SNX25: variants seen among roughly 807,000 people sequenced by gnomAD.
The protein encoded by SNX25 is sorting nexin-25.
Under a neutral mutation model 113.7 loss-of-function variants are expected in SNX25, and 62 were observed. That is an observed-to-expected ratio of 0.55 (90% CI 0.44 to 0.67). The LOEUF (loss-of-function observed/expected upper bound fraction) is 0.67, where lower values mean the gene tolerates loss of function less well. SNX25 is among the 30% of genes least tolerant of loss of function. The pLI is 0.00. For synonymous variants in SNX25, 421 were observed against 436.2 expected (o/e 0.97, Z 0.43); for missense variants, 1,014 against 1,161.0 (o/e 0.87, Z 1.84).
the SNX25 span, chr4:185,376,777 C>T: frequency 1.6e-6 from 1 of 635,494 alleles, no homozygotes. Flanking sequence ...CTGTTAAAGC[C>T]ACAGCCATAG....
chr4:185,334,199 C>T lies in SNX25; in HGVS notation c.1914+1440C>T, dbSNP rs2095215423. 6.6e-6 allele frequency among the ~76,000 whole-genome samples: 1 copy of T among 151,982 alleles called. No homozygotes were observed. The highest frequency in any genetic ancestry group is 1.9e-4 in the East Asian group (1 of 5,176). ...ACTAAAAATACAAAAATTAGCCAGG[C>T]ATGGTGGCATGCATGGTAATCCCAG... is the stretch of plus-strand genomic sequence containing the variant. On this transcript the variant is annotated intron_variant, in intron 10 of 18. Transcript: ENST00000652585. The surrounding 1 kb of genome is among the most constrained non-coding windows in gnomAD (Gnocchi z 4.2).
chr4:185,362,551 C>G, intron 17 of SNX25, 60 bp from the exon 18 acceptor site: 1 of 1,488,680 alleles, frequency 6.7e-7, no homozygotes, highest in South Asian at 1.2e-5. Flanking sequence ...CCTTTCACTG[C>G]AAAGCTATGC....
At position 185,210,136 on chromosome 4, in the gene SNX25, G is replaced by A; in HGVS notation, c.310G>A (p.Ala104Thr). 4 of 983,988 alleles carry A rather than the reference G, an allele frequency of 4.1e-6. No homozygotes were observed. The highest frequency in any genetic ancestry group is 1.2e-6 in the Non-Finnish European group (1 of 829,500). The allele number at this position is 983,988 out of a possible 1,614,324, so 61.0% of individuals were successfully genotyped here. The change falls in exon 1 of 19, where the codon GCC becomes ACC. Residue 104 changes from alanine to threonine, a missense_variant. Ala to Thr is a moderately conservative substitution (Grantham distance 58). Transcript: ENST00000652585. The surrounding 1 kb of genome is among the most constrained non-coding windows in gnomAD (Gnocchi z 4.4). ...CCTGTACCTGAGCTGCGCGGCGGCC[G>A]CCTTCCTGCTGGGGATCCTGTTTGC... ...LSLYLSCAAA[A>T]FLLGILFALV...
chr4:185,256,375 G>C (rs1579499273), intron 2 of SNX25, among the ~76,000 whole-genome samples: 2 of 152,180 alleles, frequency 1.3e-5, no homozygotes, highest in East Asian at 3.9e-4. Flanking sequence ...TTAAAATGCT[G>C]TTTTATAAAT....
chr4:185,353,551 T>A lies in SNX25; in HGVS notation c.2533T>A (p.Leu845Met). The change falls in exon 15 of 19, where the codon TTG becomes ATG. Residue 845 changes from leucine (L) to methionine (M), a missense_variant. Leu to Met is a conservative substitution (Grantham distance 15). Transcript: ENST00000652585. ...TGATGTGGATGGGAGGAAAGACGCC[T>A]TGGCTGAACCATGTTTCATGTTGAT... ...GDDVDGRKDA[L>M]AEPCFMLIGE... The A allele has an allele frequency of 1.2e-6, 2 of 1,614,228 alleles. No homozygotes were observed. Among genetic ancestry groups the A allele is most frequent in the South Asian group, 2.2e-5 (2 of 91,088 alleles).
chr4:185,264,815 T>G (rs1442076027), intron 4 of SNX25, among the ~76,000 whole-genome samples: 1 of 152,220 alleles, frequency 6.6e-6, no homozygotes, highest in African/African-American at 2.4e-5. Context: ...AAGTTGCATG[T>G]TTTGACATAG....
chr4:185,359,259 G>A (rs932482740), intron 16 of SNX25, among the ~76,000 whole-genome samples: 12 of 151,912 alleles, frequency 7.9e-5, no homozygotes, highest in African/African-American at 1.9e-4. Context: ...AGGCTCAGGC[G>A]GGAGAACTGC....
Position 185,363,456 on chromosome 4 carries a change from C to T in SNX25, c.3006C>T (p.Gly1002=). ...LRVHLDQLKA[G]QV ...TTCATTTAGATCAACTTAAAGCTGGCCAAGTTTGAGACTACACAAATAAAC... is the reference window on the plus strand; with the variant it reads ...TTCATTTAGATCAACTTAAAGCTGGTCAAGTTTGAGACTACACAAATAAAC... Residue 1002 remains glycine, a synonymous_variant, in exon 19 of 19, where the codon GGC becomes GGT. Transcript: ENST00000652585. The surrounding 1 kb of genome is among the most constrained non-coding windows in gnomAD (Gnocchi z 4.2). The T allele has an allele frequency of 1.9e-6, 3 of 1,613,726 alleles. No homozygotes were observed. The highest frequency in any genetic ancestry group is 2.5e-6 in the Non-Finnish European group (3 of 1,179,838).
At chr4:185,310,883 T>A (rs1257447553) in intron 7 of SNX25, 67 bp downstream of exon 7, 3 of 1,443,050 alleles carry the variant, frequency 2.1e-6, no homozygotes, top group Non-Finnish European at 1.9e-6. Flanking sequence ...GAACTACATA[T>A]AAAGACTTTC....
At chr4:185,268,679 G>T (rs1434890303) in intron 5 of SNX25, among the ~76,000 whole-genome samples, 1 of 152,134 alleles carries the variant, frequency 6.6e-6, no homozygotes, top group Non-Finnish European at 1.5e-5. Context: ...TTGAACTAGG[G>T]TTAACATTAA....
At chr4:185,333,798 C>A (rs1051394356) in intron 10 of SNX25, among the ~76,000 whole-genome samples, 5 of 151,972 alleles carry the variant, frequency 3.3e-5, no homozygotes, top group Non-Finnish European at 7.4e-5. Flanking sequence ...TGCCTGTAAT[C>A]TTTGGGAAGC....
chr4:185,350,406 A>C (rs958999159), intron 13 of SNX25, among the ~76,000 whole-genome samples: 1 of 152,180 alleles, frequency 6.6e-6, no homozygotes, highest in African/African-American at 2.4e-5. Context: ...GTGTCTTATA[A>C]TACTAGATGT....
rs745732499 is a variant in SNX25 at position 185,323,481 on chromosome 4, C to A, written c.1477-47C>A. ...AATAATTCAGAGAAAAATAATTTCT[C>A]TCAGAGATGATATGTCTTACTTTTC... On this transcript the variant is annotated intron_variant, in intron 8 of 18. Coordinates refer to ENST00000652585, the MANE Select transcript of SNX25 (RefSeq NM_001378034.2). 5.2e-6 allele frequency: 8 copies of A among 1,529,606 alleles called. No individual in the cohort carries two copies. In the South Asian group the frequency reaches 9.7e-5, roughly 18 times the overall value. 94.8% of individuals were successfully genotyped at this position (1,529,606 alleles called of 1,614,324 possible). A position where few individuals can be genotyped will look rare whatever the true frequency, so the allele number is the denominator to read the frequency against.
At chr4:185,378,151 G>C in the SNX25 span, 1 of 1,614,044 alleles carries the variant, frequency 6.2e-7, no homozygotes. Context: ...AGGCATAAAA[G>C]GGGTTCTTGG....
intron 6 of SNX25, among the ~76,000 whole-genome samples, chr4:185,300,223 G>A (rs7656257): frequency 2.8e-4 from 42 of 151,680 alleles, no homozygotes; most frequent in African/African-American, 9.4e-4. Flanking sequence ...GCGATGGCAC[G>A]ATCTCAGCTC....
In SNX25 at chr4:185,360,930, A is replaced by AATATATATATATATATATAT. The variant is rs3047488; in HGVS notation, c.2652-990_2652-971dup. Reference sequence around the variant, plus strand: ...CGAGACTCCGTCTCAAAAAAAAAATAATATATATATATATATATATATAGA... The same window carrying AATATATATATATATATATAT: ...CGAGACTCCGTCTCAAAAAAAAAATAATATATATATATATATATATATATATATATATATATATATATAGA... On this transcript the variant is annotated intron_variant, in intron 16 of 18. Coordinates refer to ENST00000652585, the MANE Select transcript of SNX25 (RefSeq NM_001378034.2). 3.7e-3 allele frequency among the ~76,000 whole-genome samples: 510 copies of AATATATATATATATATATAT among 139,454 alleles called. 3 individuals carry two copies. The highest frequency in any genetic ancestry group is 0.012 in the African/African-American group (453 of 36,542). The allele number at this position is 139,454 out of a possible 152,430, so 91.5% of individuals were successfully genotyped here.
chr4:185,283,252 G>A (rs1750899633), intron 5 of SNX25, among the ~76,000 whole-genome samples: 1 of 152,162 alleles, frequency 6.6e-6, no homozygotes, highest in Admixed American at 6.5e-5. Flanking sequence ...GGAGTGTAAA[G>A]CACCAAGGAA....
At chr4:185,310,903 G>C in intron 7 of SNX25, 87 bp downstream of exon 7, 1 of 1,283,726 alleles carries the variant, frequency 7.8e-7, no homozygotes, top group Non-Finnish European at 1.1e-6. Context: ...CAACTTTTTA[G>C]TATTGAACTT....
chr4:185,292,952 G>A (rs1752381259), intron 6 of SNX25, among the ~76,000 whole-genome samples: 1 of 152,102 alleles, frequency 6.6e-6, no homozygotes, highest in Admixed American at 6.6e-5. Flanking sequence ...TTTGTCAAGG[G>A]ACATTATCAA....
Sources: allele counts gnomAD v4.1 joint callset (sites outside exome capture counted in the v4.1 genomes callset), GRCh38; gene constraint gnomAD v4.1.1; non-coding constraint Gnocchi (gnomAD v3.1); transcripts MANE v1.5; gene names NCBI Gene and HGNC (gene_info 2026-07-23, HGNC 2026-07-21).